THBS4: variants seen among roughly 807,000 people sequenced by gnomAD.
THBS4 encodes the protein thrombospondin-4.
Under a neutral mutation model 115.7 loss-of-function variants are expected in THBS4, and 90 were observed. The ratio of observed to expected loss-of-function variants is 0.78; its 90% CI spans 0.66 to 0.93. THBS4 has a LOEUF of 0.93. Among genes scored for constraint, THBS4 ranks in the 40% least tolerant of loss-of-function variants. THBS4 has a pLI of 0.00. For missense variants in THBS4, 1,087 were observed against 1,232.7 expected (o/e 0.88, Z 1.77); for synonymous variants, 460 against 479.3 (o/e 0.96, Z 0.53).
intron 7 of THBS4, among the ~76,000 whole-genome samples, chr5:80,060,819 G>A (rs953145325): frequency 6.6e-6 from 1 of 152,148 alleles, no homozygotes; most frequent in African/African-American, 2.4e-5. Flanking sequence ...GTTCATAGCA[G>A]GTAGCAAGGC....
chr5:80,013,102 G>T (rs1333283815), intron 2 of THBS4, among the ~76,000 whole-genome samples: 1 of 152,130 alleles, frequency 6.6e-6, no homozygotes, highest in African/African-American at 2.4e-5. Flanking sequence ...GCCATCAAAA[G>T]TGTGTAATTT....
At chr5:80,026,797 T>C (rs559887108) in intron 2 of THBS4, among the ~76,000 whole-genome samples, 1 of 152,330 alleles carries the variant, frequency 6.6e-6, no homozygotes, top group African/African-American at 2.4e-5. Flanking sequence ...TTTTAATACA[T>C]TAAGAGTATT....
chr5:80,001,062 C>T (rs928329713), intron 2 of THBS4, among the ~76,000 whole-genome samples: 3 of 152,200 alleles, frequency 2.0e-5, no homozygotes, highest in African/African-American at 7.2e-5. Flanking sequence ...CCAGTTGACT[C>T]TCAATAAGAC....
intron 1 of THBS4, chr5:79,998,256 A>T (rs1368116838): frequency 6.6e-6 from 1 of 152,252 alleles, no homozygotes; most frequent in Non-Finnish European, 1.5e-5. Context: ...TGTTCTCATA[A>T]TAATGAGTTC....
At chr5:80,018,028 T>G (rs1164198950) in intron 2 of THBS4, among the ~76,000 whole-genome samples, 2 of 152,136 alleles carry the variant, frequency 1.3e-5, no homozygotes, top group Non-Finnish European at 2.9e-5. Flanking sequence ...GTTCTGAACT[T>G]CCACTCTAAT....
chr5:80,082,235 G>A (rs1251919263), intron 20 of THBS4, 171 bp from the exon 21 acceptor site: 5 of 802,340 alleles, frequency 6.2e-6, no homozygotes, highest in Non-Finnish European at 9.7e-6. Flanking sequence ...TTCCAGTCTA[G>A]TAAGTAAGTG....
chr5:80,066,621 G>T (rs1359714484), intron 9 of THBS4: 2 of 152,210 alleles, frequency 1.3e-5, no homozygotes, highest in South Asian at 2.1e-4. Context: ...AGAAAAAAAA[G>T]AAATGTTACG....
intron 19 of THBS4, 142 bp downstream of exon 19, chr5:80,079,400 C>G (rs1375316952): frequency 4.3e-6 from 4 of 919,750 alleles, no homozygotes; most frequent in East Asian, 5.3e-5. Flanking sequence ...GGGAAGACTA[C>G]AGTTGACCCT....
rs752639579 is a variant in THBS4, at chr5:80,020,300, G to A, written n.178-19777G>A. ...ATCCTGGCTAAGACGGTGAAACCCC[G>A]TCTCTGCTAAAAATACAAAAAAAAT... On this transcript the variant is annotated intron_variant and non_coding_transcript_variant, in intron 2 of 3. Transcript: ENST00000510218. Among the ~76,000 whole-genome samples the A allele has an allele frequency of 2.0e-5, 3 of 152,054 alleles. No homozygotes were observed. The South Asian group carries it at 6.2e-4, about 31-fold the overall frequency.
intron 2 of THBS4, among the ~76,000 whole-genome samples, chr5:80,021,520 T>C (rs1019047450): frequency 6.6e-6 from 1 of 152,012 alleles, no homozygotes; most frequent in Admixed American, 6.6e-5. Context: ...CATAGTACTT[T>C]GCTTCTTAGA....
chr5:80,029,894 C>A (rs1271225370), intron 2 of THBS4, among the ~76,000 whole-genome samples: 1 of 151,968 alleles, frequency 6.6e-6, no homozygotes, highest in Admixed American at 6.6e-5. Flanking sequence ...GGCGTGAACC[C>A]GGGAGGCGGA....
At chr5:80,009,744 T>C (rs927216047) in intron 2 of THBS4, among the ~76,000 whole-genome samples, 2 of 152,234 alleles carry the variant, frequency 1.3e-5, no homozygotes, top group Non-Finnish European at 2.9e-5. Flanking sequence ...TACAATTTTG[T>C]ATTTTTCTCA....
intron 2 of THBS4, among the ~76,000 whole-genome samples, chr5:80,002,005 A>G (rs1490502463): frequency 6.6e-6 from 1 of 152,218 alleles, no homozygotes; most frequent in Non-Finnish European, 1.5e-5. Flanking sequence ...TTGGAAGATA[A>G]TAAAAGCATT....
intron 10 of THBS4, among the ~76,000 whole-genome samples, chr5:80,069,240 A>G (rs1833946287): frequency 6.6e-6 from 1 of 152,198 alleles, no homozygotes; most frequent in African/African-American, 2.4e-5. Flanking sequence ...ATTTTCCACA[A>G]TGAGCCTACC....
intron 2 of THBS4, among the ~76,000 whole-genome samples, chr5:80,011,777 A>G (rs1303315517): frequency 6.6e-6 from 1 of 152,168 alleles, no homozygotes; most frequent in South Asian, 2.1e-4. Flanking sequence ...TCACAAGGAC[A>G]ACTGATATTT....
chr5:80,067,161 G>A (rs74859170), intron 9 of THBS4: 18 of 152,080 alleles, frequency 1.2e-4, no homozygotes, highest in African/African-American at 4.1e-4. Context: ...CAGATCTTAA[G>A]TGTTCTCACT....
chr5:80,016,648 T>C (rs1832256680), intron 2 of THBS4, among the ~76,000 whole-genome samples: 1 of 152,224 alleles, frequency 6.6e-6, no homozygotes, highest in South Asian at 2.1e-4. Flanking sequence ...TTTAGGATTA[T>C]AGTATTGCTA....
intron 3 of THBS4, 150 bp from the exon 4 acceptor site, chr5:80,058,056 T>A: frequency 5.0e-6 from 3 of 599,722 alleles, no homozygotes. Flanking sequence ...TGGCAGGCTT[T>A]AGGAAAAAAT....
chr5:80,059,327 C>CAAA (rs34023954), intron 5 of THBS4, 113 bp from the exon 6 acceptor site: 348 of 776,620 alleles, frequency 4.5e-4, no homozygotes, highest in South Asian at 5.1e-4. Flanking sequence ...GAGACTGTCT[C>CAAA]AAAAAAAAAA....
Sources: gnomAD v4.1 joint callset for allele counts (sites outside exome capture counted in the v4.1 genomes callset) on GRCh38, gnomAD v4.1.1 for gene constraint, MANE v1.5 for transcripts, NCBI Gene and HGNC (gene_info 2026-07-23, HGNC 2026-07-21) for gene names.